Variants in BTRC observed in about 807,000 individuals in gnomAD.
BTRC encodes F-box/WD repeat-containing protein 1A.
BTRC carries 42 observed loss-of-function variants against 85.5 expected under a neutral mutation model. The observed-to-expected ratio is 0.49, with a 90% confidence interval of 0.38 to 0.64. The LOEUF is 0.64. Among genes scored for constraint, BTRC ranks in the 30% least tolerant of loss-of-function variants. BTRC has a pLI of 0.00. For synonymous variants in BTRC, 255 were observed against 263.3 expected (o/e 0.97, Z 0.30); for missense variants, 594 against 743.5 (o/e 0.80, Z 2.34).
chr10:101,456,816 C>G (rs1945095432), intron 2 of BTRC, among the ~76,000 whole-genome samples: 1 of 151,908 alleles, frequency 6.6e-6, no homozygotes, highest in Non-Finnish European at 1.5e-5. Flanking sequence ...AAGCACTGAG[C>G]TAAGAAATAA....
intron 4 of BTRC, among the ~76,000 whole-genome samples, chr10:101,507,413 A>G (rs1389151738): frequency 3.9e-5 from 6 of 152,234 alleles, no homozygotes; most frequent in Non-Finnish European, 8.8e-5. Context: ...CAAGTTCACA[A>G]GTTAACACGA....
intron 1 of BTRC, among the ~76,000 whole-genome samples, chr10:101,427,964 A>C (rs1944304726): frequency 6.6e-6 from 1 of 152,214 alleles, no homozygotes; most frequent in Admixed American, 6.5e-5. Context: ...ATAAAGAAGT[A>C]ATATGAGTAG....
intron 11 of BTRC, among the ~76,000 whole-genome samples, chr10:101,535,797 A>C (rs192274765): frequency 8.5e-5 from 13 of 152,352 alleles, no homozygotes; most frequent in Admixed American, 7.8e-4. Context: ...TCTTAGCATT[A>C]CATAATTGGC....
Position 101,536,631 on chromosome 10 carries a change from A to T in BTRC, c.1555A>T (p.Ile519Leu), listed in dbSNP as rs1474248176. The change falls in exon 12 of 15, where the codon ATA (isoleucine) becomes TTA (leucine). Residue 519 changes from isoleucine to leucine, a missense_variant. Ile to Leu is a conservative substitution (Grantham distance 5). Around this residue, in one of 4 missense-constraint regions of BTRC, gnomAD observed 373 missense variants for 503.6 expected, o/e 0.74. Transcript: ENST00000370187. The stretch of plus-strand genomic sequence containing the variant: ...TTGTATTCGATTTGATAACAAGAGG[A>T]TAGTCAGTGGGGCCTATGATGGGTG... Reference protein sequence around the residue: ...VRCIRFDNKRIVSGAYDGKIK... With the variant: ...VRCIRFDNKRLVSGAYDGKIK... 1 of 1,613,414 alleles carries T rather than the reference A, an allele frequency of 6.2e-7. No homozygotes were observed. The highest frequency in any genetic ancestry group is 8.5e-7 in the Non-Finnish European group (1 of 1,179,374).
At chr10:101,455,983 A>AACACAGACACACAC (rs1554881062) in intron 2 of BTRC, among the ~76,000 whole-genome samples, 3 of 96,000 alleles carry the variant, frequency 3.1e-5, no homozygotes, top group African/African-American at 1.4e-4. Context: ...CTCTACTAAA[A>AACACAGACACACAC]ACACACACAC....
intron 1 of BTRC, among the ~76,000 whole-genome samples, chr10:101,429,774 A>G (rs1321078399): frequency 1.3e-5 from 2 of 149,738 alleles, no homozygotes; most frequent in Non-Finnish European, 3.0e-5. Flanking sequence ...GTTAATGAAT[A>G]GCAGACTAAC....
chr10:101,433,457 G>A (rs1174218867), intron 2 of BTRC, among the ~76,000 whole-genome samples: 1 of 152,114 alleles, frequency 6.6e-6, no homozygotes, highest in East Asian at 1.9e-4. Flanking sequence ...GGATGAATAG[G>A]AATTAACTCG....
At chr10:101,440,880 T>C (rs1210941469) in intron 2 of BTRC, among the ~76,000 whole-genome samples, 2 of 152,228 alleles carry the variant, frequency 1.3e-5, no homozygotes, top group Non-Finnish European at 2.9e-5. Flanking sequence ...ATAATACTTG[T>C]AAAATATAAG....
At chr10:101,404,030 A>ATATCTTTT (rs1232082481) in intron 1 of BTRC, among the ~76,000 whole-genome samples, 1 of 25,424 alleles carries the variant, frequency 3.9e-5, no homozygotes, top group African/African-American at 1.9e-4. Flanking sequence ...ATATATATAT[A>ATATCTTTT]TTTTTTTTTT....
At chr10:101,423,187 T>G (rs1408295992) in intron 1 of BTRC, among the ~76,000 whole-genome samples, 1 of 152,192 alleles carries the variant, frequency 6.6e-6, no homozygotes, top group Non-Finnish European at 1.5e-5. Flanking sequence ...GTGGTGGGAT[T>G]ATACACATGA....
At chr10:101,427,254 A>T (rs1377391346) in intron 1 of BTRC, among the ~76,000 whole-genome samples, 1 of 149,734 alleles carries the variant, frequency 6.7e-6, no homozygotes, top group Middle Eastern at 3.2e-3. Flanking sequence ...AGTAGCTGGG[A>T]CTATAGGCGT....
chr10:101,412,753 G>A (rs1589436303), intron 1 of BTRC, among the ~76,000 whole-genome samples: 1 of 152,132 alleles, frequency 6.6e-6, no homozygotes, highest in Non-Finnish European at 1.5e-5. Flanking sequence ...TAGTACTCCA[G>A]TCCACACATG....
At chr10:101,365,455 C>A (rs1026003053) in intron 1 of BTRC, among the ~76,000 whole-genome samples, 1 of 150,274 alleles carries the variant, frequency 6.7e-6, no homozygotes, top group African/African-American at 2.4e-5. Flanking sequence ...AATTCTTTTT[C>A]TTTTTAAAAA....
chr10:101,421,395 G>C (rs1208169733), intron 1 of BTRC, among the ~76,000 whole-genome samples: 1 of 152,026 alleles, frequency 6.6e-6, no homozygotes, highest in Non-Finnish European at 1.5e-5. Context: ...AGAATATCTA[G>C]TTTTGACTCC....
intron 2 of BTRC, among the ~76,000 whole-genome samples, chr10:101,436,471 C>G (rs905365431): frequency 1.3e-5 from 2 of 151,978 alleles, no homozygotes; most frequent in African/African-American, 4.8e-5. Context: ...ATAGTGAGAC[C>G]CTGTCTCTAC....
intron 2 of BTRC, among the ~76,000 whole-genome samples, chr10:101,441,912 C>T (rs985648686): frequency 6.9e-6 from 1 of 144,530 alleles, no homozygotes; most frequent in Non-Finnish European, 1.5e-5. Flanking sequence ...TGTAATAAGT[C>T]AGAATACAAT....
chr10:101,438,817 A>G (rs1289485340), intron 2 of BTRC, among the ~76,000 whole-genome samples: 2 of 152,168 alleles, frequency 1.3e-5, no homozygotes, highest in African/African-American at 4.8e-5. Flanking sequence ...GAATTGGTAA[A>G]ATGAGGATAA....
intron 1 of BTRC, among the ~76,000 whole-genome samples, chr10:101,386,010 A>G (rs933185338): frequency 6.6e-6 from 1 of 152,182 alleles, no homozygotes; most frequent in Admixed American, 6.6e-5. Flanking sequence ...TAGTAGTGTC[A>G]GGAAAAATGG....
chr10:101,505,127 G>GTATATGTGTATATATATA (rs1564812103), intron 4 of BTRC, among the ~76,000 whole-genome samples: 278 of 75,624 alleles, frequency 3.7e-3, no homozygotes, highest in African/African-American at 0.019. Context: ...ATATATATAT[G>GTATATGTGTATATATATA]TGTATATATA....
Sources: allele counts gnomAD v4.1 joint callset (sites outside exome capture counted in the v4.1 genomes callset), GRCh38; gene constraint gnomAD v4.1.1; regional missense constraint gnomAD v4.1.1; transcripts MANE v1.5; gene names NCBI Gene and HGNC (gene_info 2026-07-23, HGNC 2026-07-21).